MTIF3: variants seen among roughly 807,000 people sequenced by gnomAD.
MTIF3 encodes translation initiation factor IF-3, mitochondrial.
In MTIF3, 13 loss-of-function variants were observed where a neutral mutation model predicts 20.7. The observed-to-expected ratio is 0.63, with a 90% CI of 0.41 to 1.00. The LOEUF (loss-of-function observed/expected upper bound fraction) is 1.00, where lower values mean the gene tolerates loss of function less well. Ranked by LOEUF, MTIF3 falls within the 50% of genes least tolerant of loss-of-function variation. The probability of loss-of-function intolerance (pLI) is 0.00; values close to 1 mark genes in which losing one functional copy is unlikely to be tolerated. For synonymous variants in MTIF3, 114 were observed against 112.5 expected, an observed-to-expected ratio of 1.01 and a Z score of -0.08; for missense variants, 295 against 324.5, an observed-to-expected ratio of 0.91 and a Z score of 0.70.
chr13:27,444,292 G>C (rs561412519), intron 2 of MTIF3, among the ~76,000 whole-genome samples: 1 of 151,318 alleles, frequency 6.6e-6, no homozygotes, highest in East Asian at 2.0e-4. Flanking sequence ...GCGACAGAGC[G>C]AGACTCTGTC....
At position 27,437,207 on chromosome 13, in the gene MTIF3, G is replaced by A. The variant is rs1281384320; in HGVS notation, c.527C>T (p.Thr176Ile). The change falls in exon 4 of 5, where the codon ACT (threonine) becomes ATT (isoleucine). Residue 176 changes from threonine to isoleucine, a missense_variant. Transcript: ENST00000381120. ...NIGQHDLDTK[T>I]KQIQQWIKKK... ...CTTAATCCACTGCTGAATCTGTTTA[G>A]TCTTTGTGTCCAAATCATGTTGTCC... The A allele has an allele frequency of 1.9e-6, 3 of 1,613,948 alleles. No individual in the cohort carries two copies. Among genetic ancestry groups the A allele is most frequent in the Non-Finnish European group, 2.5e-6 (3 of 1,179,978 alleles).
Position 27,436,289 on chromosome 13 carries a change from A to G in MTIF3, c.619-396T>C, listed in dbSNP as rs139648582. 1.6e-4 allele frequency among the ~76,000 whole-genome samples: 24 copies of G among 152,292 alleles called. No homozygotes were observed. In the East Asian group the frequency reaches 4.6e-3, roughly 29 times the overall value. On this transcript the variant is annotated intron_variant, in intron 4 of 4. Transcript: ENST00000381120. ...GAGTCTCTCTCAGTGACTGAAACAA[A>G]TGGATACCTGGGCTCAAGAAATTCT...
At position 27,440,441 on chromosome 13, in the gene MTIF3, G is replaced by A. The variant is rs1180345434; in HGVS notation, c.8C>T (p.Ala3Val). ...TAGTGTTAACCTCTTTAGAAAAAGA[G>A]CAGCCATCCTAAGAAAGTAGTAAGA... Reference protein sequence around the residue: MAALFLKRLTLQT... With the variant: MAVLFLKRLTLQT... The change falls in exon 3 of 5, where the codon GCT becomes GTT. Residue 3 changes from alanine (A) to valine (V), a missense_variant. By Grantham distance (64) the Ala-to-Val change is moderately conservative. Coordinates refer to ENST00000381120, the MANE Select transcript of MTIF3 (RefSeq NM_152912.5). 6.3e-7 allele frequency: 1 copy of A among 1,597,542 alleles called. No homozygotes were observed. The highest frequency in any genetic ancestry group is 1.1e-5 in the South Asian group (1 of 89,646).
chr13:27,449,598 CA>C (rs1349350880), intron 1 of MTIF3, among the ~76,000 whole-genome samples: 2 of 152,228 alleles, frequency 1.3e-5, no homozygotes, highest in Admixed American at 6.5e-5. Flanking sequence ...ATCCCTCCCC[CA>C]ATTTACTGAG....
At position 27,436,853 on chromosome 13, in the gene MTIF3, G is replaced by A. The variant is rs76488435; in HGVS notation, c.618+263C>T. The stretch of plus-strand genomic sequence containing the variant: ...TGCAAGCTCCGCCTCCCGGGTTCAC[G>A]CCATTCTCCTGCCTCAGCTTCCCCA... On this transcript the variant is annotated intron_variant, in intron 4 of 4. Coordinates refer to ENST00000381120, the MANE Select transcript of MTIF3 (RefSeq NM_152912.5). Among the ~76,000 whole-genome samples the A allele has an allele frequency of 0.14, 20,036 of 144,844 alleles. 1,745 individuals are homozygous for A. The highest frequency in any genetic ancestry group is 0.19 in the Non-Finnish European group (12,522 of 67,082).
chr13:27,444,199 G>A (rs1412839151), intron 2 of MTIF3, among the ~76,000 whole-genome samples: 3 of 152,220 alleles, frequency 2.0e-5, no homozygotes, highest in South Asian at 2.1e-4. Flanking sequence ...CCGGCTACTC[G>A]GGAGGCTGAG....
chr13:27,440,200 A>C lies in MTIF3; in HGVS notation c.249T>G (p.Ser83Arg). The change falls in exon 3 of 5, where the codon AGT (serine) becomes AGG (arginine). Residue 83 changes from serine to arginine, a missense_variant. Ser to Arg is a moderately radical substitution (Grantham distance 110). Coordinates refer to ENST00000381120, the MANE Select transcript of MTIF3 (RefSeq NM_152912.5). Reference sequence around the variant, plus strand: ...CATCAAATAAGTGAATAACTCGCTGACTAATTTTTCTTCCAACGTTACTAA... The same window carrying C: ...CATCAAATAAGTGAATAACTCGCTGCCTAATTTTTCTTCCAACGTTACTAA... The part of the protein sequence containing the change: ...TAFSNVGRKI[S>R]QRVIHLFDEK... 1 of 1,614,212 alleles carries C rather than the reference A, an allele frequency of 6.2e-7. No individual in the cohort carries two copies. Among genetic ancestry groups the C allele is most frequent in the Non-Finnish European group, 8.5e-7 (1 of 1,180,034 alleles).
chr13:27,447,337 C>T (rs1230963595), intron 1 of MTIF3, among the ~76,000 whole-genome samples: 1 of 151,998 alleles, frequency 6.6e-6, no homozygotes, highest in Non-Finnish European at 1.5e-5. Context: ...GCCATGTTCT[C>T]TGATGAAAAT....
chr13:27,439,110 G>A (rs892255453), intron 3 of MTIF3, among the ~76,000 whole-genome samples: 1 of 152,246 alleles, frequency 6.6e-6, no homozygotes, highest in Admixed American at 6.5e-5. Context: ...GCCTCGTCAA[G>A]TGACTGGTTG....
intron 3 of MTIF3, among the ~76,000 whole-genome samples, chr13:27,438,771 C>G (rs9554039): frequency 6.6e-6 from 1 of 151,646 alleles, no homozygotes; most frequent in African/African-American, 2.4e-5. Context: ...GCTGGGATTA[C>G]AGACGTGAGC....
intron 2 of MTIF3, among the ~76,000 whole-genome samples, chr13:27,442,908 A>G (rs754577183): frequency 3.3e-5 from 5 of 152,244 alleles, no homozygotes; most frequent in Non-Finnish European, 7.3e-5. Context: ...TGAAAGCTTC[A>G]TGAGAACATG....
chr13:27,441,684 G>A (rs1376116608), intron 2 of MTIF3, among the ~76,000 whole-genome samples: 1 of 152,204 alleles, frequency 6.6e-6, no homozygotes, highest in African/African-American at 2.4e-5. Flanking sequence ...AAAGAGTGCT[G>A]AGAGGACCCA....
chr13:27,449,931 T>A (rs1566090963), intron 1 of MTIF3: 1 of 152,158 alleles, frequency 6.6e-6, no homozygotes, highest in Non-Finnish European at 1.5e-5. Context: ...AAATGACAAA[T>A]GAGAAAAAAA....
In MTIF3 at chr13:27,440,291, T is replaced by C; in HGVS notation, c.158A>G (p.Lys53Arg). Residue 53 changes from lysine (K) to arginine (R), a missense_variant, in exon 3 of 5, where the codon AAA (lysine) becomes AGA (arginine). Physicochemically the swap from Lys to Arg is conservative, Grantham distance 26. Coordinates refer to ENST00000381120, the MANE Select transcript of MTIF3 (RefSeq NM_152912.5). Reference sequence around the variant, plus strand: ...GGTGTCTTCAGCGGTACTAAAGGCTTTTGCATGAATTAGGAAGGAGAGTCT... The same window carrying C: ...GGTGTCTTCAGCGGTACTAAAGGCTCTTGCATGAATTAGGAAGGAGAGTCT... ...APRLSFLIHA[K>R]AFSTAEDTQN... 6.2e-7 allele frequency: 1 copy of C among 1,614,192 alleles called. No homozygotes were observed. The highest frequency in any genetic ancestry group is 8.5e-7 in the Non-Finnish European group (1 of 1,180,032).
At chr13:27,445,459 G>A (rs1403685576) in intron 1 of MTIF3, among the ~76,000 whole-genome samples, 2 of 151,208 alleles carry the variant, frequency 1.3e-5, no homozygotes, top group East Asian at 3.9e-4. Context: ...CTGGACAACA[G>A]AGCAAGACCC....
rs752372519 is a variant in MTIF3 at position 27,435,651 on chromosome 13, A to T, written c.*24T>A. ...CAGACCAAGGAGCGAGCTTTCTCTC[A>T]GAGCATGCTTTTCTTTATTAAAATT... On this transcript the variant is annotated 3_prime_UTR_variant, in exon 5 of 5. Transcript: ENST00000381120. The T allele has an allele frequency of 6.2e-7, 1 of 1,612,480 alleles. No homozygotes were observed. The highest frequency in any genetic ancestry group is 8.5e-7 in the Non-Finnish European group (1 of 1,178,752).
chr13:27,450,430 C>T (rs566367801), intron 1 of MTIF3, 79 bp downstream of exon 1: 1 of 152,510 alleles, frequency 6.6e-6, no homozygotes, highest in South Asian at 2.1e-4. Flanking sequence ...GGTGCCTCCT[C>T]CACAGGGGCG....
At chr13:27,448,881 A>C (rs59154130) in intron 1 of MTIF3, among the ~76,000 whole-genome samples, 50 of 152,158 alleles carry the variant, frequency 3.3e-4, no homozygotes, top group African/African-American at 9.4e-4. Context: ...TCTACTAAAA[A>C]TACAAAAAAA....
intron 4 of MTIF3, 139 bp downstream of exon 4, chr13:27,436,977 T>A (rs561677943): frequency 4.0e-6 from 3 of 757,024 alleles, no homozygotes; most frequent in South Asian, 3.9e-5. Context: ...GGTCTCAATC[T>A]CCTGATCTCG....
Sources: allele counts gnomAD v4.1 joint callset (sites outside exome capture counted in the v4.1 genomes callset), GRCh38; gene constraint gnomAD v4.1.1; transcripts MANE v1.5; gene names NCBI Gene and HGNC (gene_info 2026-07-23, HGNC 2026-07-21).